TCERG1: variants seen among roughly 807,000 people sequenced by gnomAD.
TCERG1 encodes the protein transcription elongation regulator 1, also known as TATA box binding protein (TBP)-associated factor, RNA polymerase II, S, 150kD.
A neutral mutation model predicts 144.7 loss-of-function variants in TCERG1; 37 were observed. That is an observed-to-expected ratio of 0.26 (90% CI 0.20 to 0.34). The LOEUF is 0.34. TCERG1 is among the 10% of genes least tolerant of loss of function. TCERG1 has a pLI of 1.00. For missense variants in TCERG1, 1,027 were observed against 1,380.7 expected, an observed-to-expected ratio of 0.74 and a Z score of 4.06; for synonymous variants, 492 against 458.2, an observed-to-expected ratio of 1.07 and a Z score of -0.94.
intron 19 of TCERG1, 101 bp from the exon 20 acceptor site, chr5:146,506,927 A>T (rs911829298): frequency 3.0e-6 from 3 of 985,480 alleles, no homozygotes; most frequent in East Asian, 5.4e-5. Flanking sequence ...GGTTGATTCC[A>T]TATCTTGGCT....
chr5:146,506,884 T>G lies in TCERG1; in HGVS notation c.2782-144T>G. On this transcript the variant is annotated intron_variant, in intron 19 of 22. Coordinates refer to ENST00000679501, the MANE Select transcript of TCERG1 (RefSeq NM_001382548.1). ...CTCCATTGTGTATATTTATTACATT[T>G]TCTTTATCCATGTATCTGTTGATAG... 3 of 584,198 alleles carry G rather than the reference T, an allele frequency of 5.1e-6. No homozygotes were observed. The East Asian group carries it at 9.3e-5, about 18-fold the overall frequency. The allele number at this position is 584,198 out of a possible 1,614,324, so 36.2% of individuals were successfully genotyped here.
rs1561715923 is a variant in TCERG1 at position 146,511,346 on chromosome 5, C to T, written c.*704C>T. On this transcript the variant is annotated 3_prime_UTR_variant, in exon 23 of 23. Transcript: ENST00000679501. The stretch of plus-strand genomic sequence containing the variant: ...CATATTTTATTCACCATTAAGTGAT[C>T]TTTATCAATATTCTGGATTAGACAA... 6.6e-6 allele frequency: 1 copy of T among 152,574 alleles called. No homozygotes were observed. Among genetic ancestry groups the T allele is most frequent in the South Asian group, 2.1e-4 (1 of 4,832 alleles). 9.5% of individuals were successfully genotyped at this position (152,574 alleles called of 1,614,324 possible). A position where few individuals can be genotyped will look rare whatever the true frequency, so the allele number is the denominator to read the frequency against.
At chr5:146,463,822 C>T in intron 5 of TCERG1, 29 bp downstream of exon 5, 1 of 1,613,074 alleles carries the variant, frequency 6.2e-7, no homozygotes, top group Non-Finnish European at 8.5e-7. Context: ...ATGGTCTTTC[C>T]AGCTATGTTT....
In TCERG1 at chr5:146,498,625, A is replaced by G. The variant is rs771624376; in HGVS notation, c.2372A>G (p.Asn791Ser). Residue 791 changes from asparagine to serine, a missense_variant, in exon 17 of 23, where the codon AAT becomes AGT. Physicochemically the swap from Asn to Ser is conservative, Grantham distance 46 (BLOSUM62 1). Around this residue, in one of 6 missense-constraint regions of TCERG1, gnomAD observed 482 missense variants for 632.6 expected, o/e 0.76. Transcript: ENST00000679501. ...ATGAAAGACCGAGAAGCCTTGTTTA[A>G]TGAGTTTGTGGCCGCTGCTAGGAAG... ...EKMKDREALFNEFVAAARKKE... is the reference protein window; with the variant it reads ...EKMKDREALFSEFVAAARKKE... The G allele has an allele frequency of 6.2e-7, 1 of 1,612,360 alleles. No homozygotes were observed. The highest frequency in any genetic ancestry group is 1.7e-5 in the Admixed American group (1 of 59,744).
At position 146,459,081 on chromosome 5, in the gene TCERG1, G is replaced by T; in HGVS notation, c.636G>T (p.Gln212His). The T allele has an allele frequency of 6.9e-7, 1 of 1,444,658 alleles. No homozygotes were observed. The highest frequency in any genetic ancestry group is 9.6e-7 in the Non-Finnish European group (1 of 1,046,064). The allele number at this position is 1,444,658 out of a possible 1,614,324, so 89.5% of individuals were successfully genotyped here. ...AGGCCCAGGCTCAGGCTCAGGCCCA[G>T]GCCCAGGCCCAGGCCCAGGCCCAGG... ...QAQAQAQAQA[Q>H]AQAQAQAQAQ... Residue 212 changes from glutamine to histidine, a missense_variant, in exon 4 of 23, where the codon CAG (glutamine) becomes CAT (histidine). By Grantham distance (24) the Gln-to-His change is conservative. Transcript: ENST00000679501.
At position 146,510,748 on chromosome 5, in the gene TCERG1, A is replaced by T. The variant is rs1768396730; in HGVS notation, c.*106A>T. 1.0e-5 allele frequency: 11 copies of T among 1,068,922 alleles called. No homozygotes were observed. The South Asian group carries it at 1.9e-4, about 18-fold the overall frequency. The allele number at this position is 1,068,922 out of a possible 1,614,324, so 66.2% of individuals were successfully genotyped here. A position where few individuals can be genotyped will look rare whatever the true frequency, so the allele number is the denominator to read the frequency against. On this transcript the variant is annotated 3_prime_UTR_variant, in exon 23 of 23. Coordinates refer to ENST00000679501, the MANE Select transcript of TCERG1 (RefSeq NM_001382548.1). ...AGTCAACCTATTGCGAAACCATCTG[A>T]CAAACAGAAGGAGAAGCATTTGTGA...
intron 1 of TCERG1, among the ~76,000 whole-genome samples, chr5:146,454,063 T>C (rs1235305202): frequency 2.2e-5 from 3 of 137,934 alleles, no homozygotes; most frequent in African/African-American, 8.3e-5. Context: ...AAAAAAAAAT[T>C]AGCCGGGCAT....
At chr5:146,479,805 T>C in intron 10 of TCERG1, 50 bp from the exon 11 acceptor site, 1 of 1,596,576 alleles carries the variant, frequency 6.3e-7, no homozygotes, top group Non-Finnish European at 8.6e-7. Flanking sequence ...GAAAAGTTTG[T>C]GAAATATATG....
At chr5:146,451,196 T>C (rs76626821) in intron 1 of TCERG1, among the ~76,000 whole-genome samples, 11,685 of 152,268 alleles carry the variant, frequency 0.077, 495 homozygotes, top group Middle Eastern at 0.12. Flanking sequence ...TGTCTTTCCT[T>C]GGTGATTATC....
intron 5 of TCERG1, among the ~76,000 whole-genome samples, 191 bp downstream of exon 5, chr5:146,463,984 A>G (rs1472961927): frequency 3.3e-5 from 5 of 152,206 alleles, no homozygotes; most frequent in Non-Finnish European, 7.3e-5. Context: ...TGTTGTTTAC[A>G]TGTCCTAAAA....
At chr5:146,509,933 G>A (rs889442201) in intron 22 of TCERG1, 3 of 595,242 alleles carry the variant, frequency 5.0e-6, no homozygotes, top group African/African-American at 3.9e-5. Context: ...GTGCACGGGA[G>A]GCTAGATAGT....
Position 146,482,293 on chromosome 5 carries a change from T to A in TCERG1, c.1938-299T>A, listed in dbSNP as rs182920329. 8.6e-3 allele frequency: 1,548 copies of A among 179,334 alleles called. 13 individuals are homozygous for A. The highest frequency in any genetic ancestry group is 0.034 in the African/African-American group (1,464 of 42,464). The allele number at this position is 179,334 out of a possible 1,614,324, so 11.1% of individuals were successfully genotyped here. On this transcript the variant is annotated intron_variant, in intron 13 of 22. Transcript: ENST00000679501. Reference sequence around the variant, plus strand: ...CTGCAGTGTTAAACTTTTTTTTTTTTAAGTAAGGTTGCTCCCTTTTTATGT... The same window carrying A: ...CTGCAGTGTTAAACTTTTTTTTTTTAAAGTAAGGTTGCTCCCTTTTTATGT...
At chr5:146,452,223 C>T (rs897324834) in intron 1 of TCERG1, among the ~76,000 whole-genome samples, 2 of 151,928 alleles carry the variant, frequency 1.3e-5, no homozygotes, top group Non-Finnish European at 2.9e-5. Flanking sequence ...AGCCTGGTAA[C>T]GAGAGACTAT....
intron 1 of TCERG1, among the ~76,000 whole-genome samples, chr5:146,449,537 C>T (rs1337154509): frequency 6.6e-6 from 1 of 152,148 alleles, no homozygotes; most frequent in Non-Finnish European, 1.5e-5. Context: ...TACAATTTGC[C>T]CCCATATATC....
intron 5 of TCERG1, among the ~76,000 whole-genome samples, chr5:146,464,813 G>A (rs1763635013): frequency 6.6e-6 from 1 of 152,122 alleles, no homozygotes; most frequent in African/African-American, 2.4e-5. Flanking sequence ...GAATACAGTT[G>A]TGATACAGCT....
intron 15 of TCERG1, among the ~76,000 whole-genome samples, chr5:146,492,032 T>G (rs547748515): frequency 2.0e-4 from 31 of 152,224 alleles, no homozygotes; most frequent in Non-Finnish European, 3.7e-4. Context: ...GCCAATTATT[T>G]GCTTTGGAAT....
rs757571272 is a variant in TCERG1 at position 146,459,168 on chromosome 5, T to C, written c.723T>C (p.Ala241=). ...AQAQAQAQAQ[A]QVQAQVQAQV... is the part of the protein sequence containing the mutation. ...CACAAGCTCAGGCCCAGGCCCAGGC[T>C]CAGGTCCAGGCCCAGGTCCAGGCAC... is the stretch of plus-strand genomic sequence containing the variant. Residue 241 remains alanine, a synonymous_variant, in exon 4 of 23, where the codon GCT becomes GCC. Transcript: ENST00000679501. The C allele has an allele frequency of 6.2e-7, 1 of 1,611,582 alleles. No homozygotes were observed.
At chr5:146,458,856 A>G (rs1763063272) in intron 3 of TCERG1, 28 bp from the exon 4 acceptor site, 2 of 1,573,582 alleles carry the variant, frequency 1.3e-6, no homozygotes, top group Admixed American at 1.9e-5. Flanking sequence ...AGATTTTATG[A>G]TACCATTGAT....
At chr5:146,496,273 A>G (rs1187206982) in intron 16 of TCERG1, among the ~76,000 whole-genome samples, 7 of 152,124 alleles carry the variant, frequency 4.6e-5, no homozygotes, top group Admixed American at 4.6e-4. Flanking sequence ...AGCTTTTTGA[A>G]TTTATAAATT....
Sources: allele counts gnomAD v4.1 joint callset (sites outside exome capture counted in the v4.1 genomes callset), GRCh38; gene constraint gnomAD v4.1.1; regional missense constraint gnomAD v4.1.1; transcripts MANE v1.5; gene names NCBI Gene and HGNC (gene_info 2026-07-23, HGNC 2026-07-21).